ABL1: variants seen among roughly 807,000 people sequenced by gnomAD.
ABL1 encodes the protein ABL proto-oncogene 1, non-receptor tyrosine kinase, also known as tyrosine-protein kinase ABL1.
In ABL1, 11 loss-of-function variants were observed where a neutral mutation model predicts 94.7. The ratio of observed to expected loss-of-function variants is 0.12; its 90% CI spans 0.07 to 0.19. The LOEUF is 0.19. ABL1 is among the 10% of genes least tolerant of loss of function. The pLI, the probability that ABL1 is intolerant of heterozygous loss-of-function variation, is 1.00. For synonymous variants in ABL1, 656 were observed against 622.4 expected (o/e 1.05, Z -0.80); for missense variants, 1,082 against 1,489.4 (o/e 0.73, Z 4.50).
chr9:130,797,339 A>C (rs1007335235), intron 1 of ABL1, among the ~76,000 whole-genome samples: 9 of 150,762 alleles, frequency 6.0e-5, no homozygotes, highest in Admixed American at 3.3e-4. Flanking sequence ...CTTAGCTTAT[A>C]ATTAATTATA....
rs748227413 is a variant in ABL1 at position 130,803,352 on chromosome 9, T to C, written c.137-50712T>C. ...TGCGCCCAGCCGGCTCTCTTTGTTA[T>C]TCATAGTTTCCTGGCTTCTCTTTTC... On this transcript the variant is annotated intron_variant, in intron 1 of 10. Coordinates refer to the ABL1 transcript ENST00000372348. Among the ~76,000 whole-genome samples, 6 of 152,328 alleles carry C rather than the reference T, an allele frequency of 3.9e-5. No individual in the cohort carries two copies. The South Asian group carries it at 8.3e-4, about 21-fold the overall frequency.
chr9:130,884,237 C>T lies in ABL1; in HGVS notation c.1947C>T (p.Thr649=), dbSNP rs1357611095. ...RDISNGALAF[T]PLDTADPAKS... is the part of the protein sequence containing the mutation. ...TCAGCAACGGGGCACTGGCTTTCAC[C>T]CCCTTGGACACAGCTGACCCAGCCA... is the stretch of plus-strand genomic sequence containing the variant. The change falls in exon 11 of 11, where the codon ACC becomes ACT. Residue 649 remains threonine (T), a synonymous_variant. Coordinates refer to ENST00000318560, the MANE Select transcript of ABL1 (RefSeq NM_005157.6). The surrounding 1 kb of genome is among the most constrained non-coding windows in gnomAD (Gnocchi z 5.6). The T allele has an allele frequency of 6.2e-7, 1 of 1,602,468 alleles. No individual in the cohort carries two copies.
chr9:130,810,022 C>T (rs1458161075), intron 1 of ABL1, among the ~76,000 whole-genome samples: 1 of 152,174 alleles, frequency 6.6e-6, no homozygotes, highest in Non-Finnish European at 1.5e-5. Context: ...TGGTAAAATG[C>T]ACAATGTTTA....
intron 1 of ABL1, among the ~76,000 whole-genome samples, chr9:130,755,156 A>G (rs1369305029): frequency 1.3e-5 from 2 of 152,348 alleles, no homozygotes; most frequent in East Asian, 3.9e-4. Flanking sequence ...TTGTTAAAAT[A>G]TCAGAGCTAT....
At position 130,885,318 on chromosome 9, in the gene ABL1, G is replaced by A; in HGVS notation, c.3028G>A (p.Val1010Met). 6.2e-7 allele frequency: 1 copy of A among 1,613,668 alleles called. No homozygotes were observed. The highest frequency in any genetic ancestry group is 1.1e-5 in the South Asian group (1 of 91,084). Residue 1010 changes from valine (V) to methionine (M), a missense_variant, in exon 11 of 11, where the codon GTG becomes ATG. By Grantham distance (21) the Val-to-Met change is conservative. Transcript: ENST00000318560. ...CTTCATCCCTCTCATATCAACCCGA[G>A]TGTCTCTTCGGAAAACCCGCCAGCC... ...TAFIPLISTRVSLRKTRQPPE... is the reference protein window; with the variant it reads ...TAFIPLISTRMSLRKTRQPPE...
At chr9:130,840,719 A>G (rs909843510) in intron 1 of ABL1, among the ~76,000 whole-genome samples, 6 of 151,896 alleles carry the variant, frequency 4.0e-5, no homozygotes, top group Admixed American at 1.3e-4. Context: ...GGGTCTCACT[A>G]TGTCGCCCAG....
chr9:130,727,234 G>GTTTTTTT (rs34579847), intron 1 of ABL1, among the ~76,000 whole-genome samples: 1 of 141,802 alleles, frequency 7.1e-6, no homozygotes, highest in Non-Finnish European at 1.5e-5. Context: ...CTTTGCTGAG[G>GTTTTTTT]TTTTTTTTTT....
chr9:130,817,574 G>A (rs545739892), intron 1 of ABL1, among the ~76,000 whole-genome samples: 56 of 152,306 alleles, frequency 3.7e-4, no homozygotes, highest in African/African-American at 1.3e-3. Context: ...TAGGGTGGAC[G>A]CGTCAGGTTG....
chr9:130,800,902 T>A (rs1830045683), intron 1 of ABL1, among the ~76,000 whole-genome samples: 1 of 151,142 alleles, frequency 6.6e-6, no homozygotes, highest in African/African-American at 2.4e-5. Flanking sequence ...TTCTTTTCTA[T>A]TTCACTTTCT....
At chr9:130,824,439 C>G (rs559503879) in intron 1 of ABL1, among the ~76,000 whole-genome samples, 82 of 152,274 alleles carry the variant, frequency 5.4e-4, no homozygotes, top group African/African-American at 1.9e-3. Context: ...GGCAGTTCAC[C>G]AATTCAAATG....
At position 130,714,427 on chromosome 9, in the gene ABL1, T is replaced by A. The variant is rs1427391542; in HGVS notation, c.108T>A (p.Gly36=). The change falls in exon 1 of 11, where the codon GGT becomes GGA. Residue 36 remains glycine, a synonymous_variant. Transcript: ENST00000372348. Reference sequence around the variant, plus strand: ...AGAAGGAATCATCGAGGCATGGGGGTCCACACTGCAATGTTTTTGTGGAAC... The same window carrying A: ...AGAAGGAATCATCGAGGCATGGGGGACCACACTGCAATGTTTTTGTGGAAC... 1 of 1,613,944 alleles carries A rather than the reference T, an allele frequency of 6.2e-7. No individual in the cohort carries two copies. The highest frequency in any genetic ancestry group is 8.5e-7 in the Non-Finnish European group (1 of 1,180,014).
chr9:130,869,803 C>T (rs1016229531), intron 4 of ABL1, among the ~76,000 whole-genome samples: 3 of 152,100 alleles, frequency 2.0e-5, no homozygotes, highest in Non-Finnish European at 4.4e-5. Flanking sequence ...CAACTACAAA[C>T]GTAGGCTGTT....
Position 130,814,685 on chromosome 9 carries a change from T to G in ABL1, c.137-39379T>G, listed in dbSNP as rs965936686. The stretch of plus-strand genomic sequence containing the variant: ...GAGGTCAGGAGACCGAGACCATCCT[T>G]GCTAACACGGTGAAACCCCGTCTCC... On this transcript the variant is annotated intron_variant, in intron 1 of 10. Transcript: ENST00000372348. The surrounding 1 kb of genome is among the most constrained non-coding windows in gnomAD (Gnocchi z 4.4). 2.0e-4 allele frequency among the ~76,000 whole-genome samples: 31 copies of G among 151,522 alleles called. No homozygotes were observed. Among genetic ancestry groups the G allele is most frequent in the African/African-American group, 6.1e-4 (25 of 41,224 alleles).
At chr9:130,822,639 T>C (rs1302602503) in intron 1 of ABL1, among the ~76,000 whole-genome samples, 1 of 152,078 alleles carries the variant, frequency 6.6e-6, no homozygotes, top group Non-Finnish European at 1.5e-5. Context: ...TTTCCATTTC[T>C]TGAATGACTA....
chr9:130,866,265 T>A (rs572911917), intron 4 of ABL1, among the ~76,000 whole-genome samples: 27 of 152,166 alleles, frequency 1.8e-4, no homozygotes, highest in Non-Finnish European at 3.2e-4. Flanking sequence ...AAAGCTCAGC[T>A]CTTCTTTTTT....
At chr9:130,751,713 C>T (rs939037058) in intron 1 of ABL1, among the ~76,000 whole-genome samples, 9 of 152,172 alleles carry the variant, frequency 5.9e-5, no homozygotes, top group African/African-American at 2.2e-4. Flanking sequence ...GCACTCTGCT[C>T]CTCAACACCC....
At chr9:130,762,837 G>A (rs1019189929) in intron 1 of ABL1, among the ~76,000 whole-genome samples, 2 of 151,608 alleles carry the variant, frequency 1.3e-5, no homozygotes, top group African/African-American at 4.9e-5. Flanking sequence ...CATGAACCCG[G>A]GAGGTGCAGC....
In ABL1 at chr9:130,791,648, C is replaced by T. The variant is rs546130123; in HGVS notation, c.137-62416C>T. On this transcript the variant is annotated intron_variant, in intron 1 of 10. Transcript: ENST00000372348. Reference sequence around the variant, plus strand: ...GATGCTTCCTCCCACTCCTCCTGCCCGTCCACATAAGACTCCAGGTTCTAA... The same window carrying T: ...GATGCTTCCTCCCACTCCTCCTGCCTGTCCACATAAGACTCCAGGTTCTAA... Among the ~76,000 whole-genome samples, 34 of 152,226 alleles carry T rather than the reference C, an allele frequency of 2.2e-4. No individual in the cohort carries two copies. The East Asian group carries it at 3.5e-3, about 16-fold the overall frequency.
upstream of ABL1, among the ~76,000 whole-genome samples, chr9:130,832,310 A>C (rs966138833): frequency 1.4e-5 from 2 of 147,784 alleles, no homozygotes; most frequent in African/African-American, 5.1e-5. Context: ...CTTTTAGTAG[A>C]GATGGGGTTT....
Sources: allele counts gnomAD v4.1 joint callset (sites outside exome capture counted in the v4.1 genomes callset), GRCh38; gene constraint gnomAD v4.1.1; non-coding constraint Gnocchi (gnomAD v3.1); transcripts MANE v1.5; gene names NCBI Gene and HGNC (gene_info 2026-07-23, HGNC 2026-07-21).